Variants in MOB1B observed in about 807,000 individuals in gnomAD.
The protein encoded by MOB1B is MOB kinase activator 1B.
A neutral mutation model predicts 24.4 loss-of-function variants in MOB1B; 19 were observed. The observed-to-expected ratio is 0.78, with a 90% confidence interval of 0.54 to 1.14. The LOEUF (loss-of-function observed/expected upper bound fraction) is 1.14, where lower values mean the gene tolerates loss of function less well. Ranked by LOEUF, MOB1B falls within the 50% of genes most tolerant of loss-of-function variation. The probability of loss-of-function intolerance (pLI) is 0.00; values close to 1 mark genes in which losing one functional copy is unlikely to be tolerated. For synonymous variants in MOB1B, 76 were observed against 82.1 expected, an observed-to-expected ratio of 0.93 and a Z score of 0.40; for missense variants, 243 against 259.6, an observed-to-expected ratio of 0.94 and a Z score of 0.44.
intron 1 of MOB1B, among the ~76,000 whole-genome samples, chr4:70,911,249 T>A (rs1414201112): frequency 4.6e-5 from 7 of 152,106 alleles, no homozygotes; most frequent in Non-Finnish European, 1.0e-4. Flanking sequence ...CCAAGTATTA[T>A]CTTACAGTTT....
At chr4:70,912,521 A>G (rs560281038) in intron 1 of MOB1B, among the ~76,000 whole-genome samples, 16 of 151,954 alleles carry the variant, frequency 1.1e-4, no homozygotes, top group Non-Finnish European at 2.1e-4. Flanking sequence ...CAGGTGATCC[A>G]CCGGCCTCAG....
At chr4:70,954,753 C>A (rs1173177140) in intron 1 of MOB1B, among the ~76,000 whole-genome samples, 1 of 136,108 alleles carries the variant, frequency 7.3e-6, no homozygotes, top group Non-Finnish European at 1.6e-5. Context: ...TGTGCCTGGC[C>A]GATTTTCTTT....
At chr4:70,941,583 C>T (rs1020531585) in intron 1 of MOB1B, among the ~76,000 whole-genome samples, 7 of 152,068 alleles carry the variant, frequency 4.6e-5, no homozygotes, top group Admixed American at 1.3e-4. Flanking sequence ...CCTTGTGATC[C>T]GCCCGTCTCG....
At chr4:70,914,765 C>T (rs1736131308) in intron 1 of MOB1B, among the ~76,000 whole-genome samples, 1 of 152,176 alleles carries the variant, frequency 6.6e-6, no homozygotes, top group Non-Finnish European at 1.5e-5. Context: ...TGCTCTGTCC[C>T]TGTACTACAG....
intron 3 of MOB1B, among the ~76,000 whole-genome samples, chr4:70,973,891 A>T (rs549400402): frequency 2.6e-5 from 4 of 152,290 alleles, no homozygotes; most frequent in African/African-American, 9.6e-5. Flanking sequence ...TCCTATCCGA[A>T]GATAATTTTT....
chr4:70,947,452 C>T (rs1383185516), intron 1 of MOB1B, among the ~76,000 whole-genome samples: 1 of 151,872 alleles, frequency 6.6e-6, no homozygotes, highest in Non-Finnish European at 1.5e-5. Context: ...TTTTTTCCCC[C>T]CCGCCAGAGA....
chr4:70,978,321 T>G (rs1043071687), intron 4 of MOB1B, among the ~76,000 whole-genome samples: 3 of 152,244 alleles, frequency 2.0e-5, no homozygotes, highest in African/African-American at 7.2e-5. Flanking sequence ...AAAAATCCAT[T>G]CATCTGTTGA....
At chr4:70,968,485 A>G (rs934834623) in intron 2 of MOB1B, among the ~76,000 whole-genome samples, 2 of 151,860 alleles carry the variant, frequency 1.3e-5, no homozygotes, top group African/African-American at 2.4e-5. Context: ...CTAATTTTGT[A>G]TTTTTAGTAG....
chr4:70,976,090 C>G (rs1274162473), intron 4 of MOB1B: 3 of 433,664 alleles, frequency 6.9e-6, no homozygotes, highest in Non-Finnish European at 9.2e-6. Flanking sequence ...TTAGTAGAGA[C>G]AGGGTTTCAC....
At chr4:70,955,433 T>C (rs1449739312) in intron 1 of MOB1B, among the ~76,000 whole-genome samples, 3 of 152,048 alleles carry the variant, frequency 2.0e-5, no homozygotes, top group East Asian at 3.9e-4. Flanking sequence ...AAAATGTCTT[T>C]TTTGTAAAAT....
intron 1 of MOB1B, among the ~76,000 whole-genome samples, chr4:70,934,386 C>G (rs1314379461): frequency 6.6e-6 from 1 of 151,712 alleles, no homozygotes; most frequent in Non-Finnish European, 1.5e-5. Context: ...GTGCCCGGCC[C>G]CATTCTGCCA....
chr4:70,937,578 C>T (rs1490298414), intron 1 of MOB1B, among the ~76,000 whole-genome samples: 1 of 149,794 alleles, frequency 6.7e-6, no homozygotes, highest in Non-Finnish European at 1.5e-5. Flanking sequence ...GTGGTGTGAT[C>T]TCGGCTCACT....
intron 1 of MOB1B, among the ~76,000 whole-genome samples, chr4:70,946,593 C>CAT (rs1737593074): frequency 6.6e-6 from 1 of 152,078 alleles, no homozygotes; most frequent in Non-Finnish European, 1.5e-5. Flanking sequence ...TGTAAATATG[C>CAT]ATATATATAG....
chr4:70,923,363 G>A (rs1340074486), intron 1 of MOB1B, among the ~76,000 whole-genome samples: 1 of 152,042 alleles, frequency 6.6e-6, no homozygotes. Context: ...CTGACCTTAG[G>A]TGGGCACCGG....
intron 2 of MOB1B, among the ~76,000 whole-genome samples, chr4:70,968,204 TG>T (rs1454965448): frequency 1.3e-5 from 2 of 152,214 alleles, no homozygotes; most frequent in Admixed American, 1.3e-4. Context: ...TATTTTTCTA[TG>T]TTCTTTTAAA....
chr4:70,950,543 A>G (rs1225191093), intron 1 of MOB1B, among the ~76,000 whole-genome samples: 2 of 152,102 alleles, frequency 1.3e-5, no homozygotes, highest in Non-Finnish European at 2.9e-5. Flanking sequence ...AGTACTTTAA[A>G]TCCTTAGATT....
At chr4:70,943,087 C>T (rs1229326717) in intron 1 of MOB1B, among the ~76,000 whole-genome samples, 3 of 152,124 alleles carry the variant, frequency 2.0e-5, no homozygotes, top group South Asian at 2.1e-4. Context: ...GTAAACCACA[C>T]TGCTTTTAAA....
chr4:70,950,847 G>GTAGTGAAGTTCT, intron 1 of MOB1B: 1 of 1,150,744 alleles, frequency 8.7e-7, no homozygotes, highest in South Asian at 1.3e-5. Flanking sequence ...AGAACTAATA[G>GTAGTGAAGTTCT]TAGTGAAGTT....
intron 1 of MOB1B, among the ~76,000 whole-genome samples, chr4:70,928,065 T>C (rs1022126336): frequency 6.6e-6 from 1 of 152,186 alleles, no homozygotes; most frequent in East Asian, 1.9e-4. Context: ...AGCCAACTTT[T>C]TCCCTGGCCT....
Sources: allele counts gnomAD v4.1 joint callset (sites outside exome capture counted in the v4.1 genomes callset), GRCh38; gene constraint gnomAD v4.1.1; transcripts MANE v1.5; gene names NCBI Gene and HGNC (gene_info 2026-07-23, HGNC 2026-07-21).